CEP85L: variants seen among roughly 807,000 people sequenced by gnomAD.
CEP85L encodes the protein centrosomal protein 85L, also known as centrosomal protein of 85 kDa-like.
In CEP85L, 60 loss-of-function variants were observed where a neutral mutation model predicts 100.3. The observed-to-expected ratio is 0.60, with a 90% CI of 0.49 to 0.74. The LOEUF (loss-of-function observed/expected upper bound fraction) is 0.74, where lower values mean the gene tolerates loss of function less well. Among genes scored for constraint, CEP85L ranks in the 30% least tolerant of loss-of-function variants. The pLI is 0.00. For missense variants in CEP85L, 973 were observed against 936.2 expected, an observed-to-expected ratio of 1.04 and a Z score of -0.51; for synonymous variants, 319 against 322.7, an observed-to-expected ratio of 0.99 and a Z score of 0.12.
intron 3 of CEP85L, among the ~76,000 whole-genome samples, chr6:118,549,511 C>T (rs1250128939): frequency 6.6e-6 from 1 of 151,564 alleles, no homozygotes; most frequent in African/African-American, 2.4e-5. Context: ...CTCTAAAATT[C>T]TCAATTCCTA....
intron 2 of CEP85L, among the ~76,000 whole-genome samples, chr6:118,567,245 GTGTGTA>G (rs1465826237): frequency 7.3e-4 from 23 of 31,634 alleles, no homozygotes; most frequent in African/African-American, 3.2e-3. Context: ...GTGTGTGTGT[GTGTGTA>G]TATATATATA....
At chr6:118,575,768 C>T (rs1185463852) in intron 2 of CEP85L, among the ~76,000 whole-genome samples, 3 of 152,026 alleles carry the variant, frequency 2.0e-5, no homozygotes, top group East Asian at 1.9e-4. Context: ...GGAATACAAA[C>T]CCTCGCTAAG....
At chr6:118,504,504 G>A (rs1400050667) in intron 5 of CEP85L, among the ~76,000 whole-genome samples, 1 of 152,130 alleles carries the variant, frequency 6.6e-6, no homozygotes, top group Non-Finnish European at 1.5e-5. Flanking sequence ...TGGCACCCCT[G>A]GAGATGGCAT....
chr6:118,613,738 C>T (rs916811081), intron 2 of CEP85L, among the ~76,000 whole-genome samples: 65 of 96,180 alleles, frequency 6.8e-4, no homozygotes, highest in Non-Finnish European at 1.0e-3. Flanking sequence ...GCCTGGGCAA[C>T]AAGAGCAAAT....
chr6:118,644,320 T>G (rs1366336864), intron 1 of CEP85L, among the ~76,000 whole-genome samples: 3 of 152,046 alleles, frequency 2.0e-5, no homozygotes, highest in African/African-American at 7.2e-5. Flanking sequence ...CATCTTCCTC[T>G]GCCTGAAGAG....
intron 4 of CEP85L, among the ~76,000 whole-genome samples, chr6:118,521,254 T>C (rs187401593): frequency 7.2e-5 from 11 of 152,324 alleles, no homozygotes; most frequent in Admixed American, 2.6e-4. Context: ...ATTACTCTCA[T>C]CTGCTTCTTC....
chr6:118,565,374 A>G, intron 3 of CEP85L, 155 bp downstream of exon 3: 1 of 709,638 alleles, frequency 1.4e-6, no homozygotes, highest in East Asian at 2.7e-5. Context: ...GTTTATCAAC[A>G]ACACTTTTCG....
At chr6:118,662,565 T>A (rs189911727) in intron 1 of CEP85L, among the ~76,000 whole-genome samples, 1 of 151,824 alleles carries the variant, frequency 6.6e-6, no homozygotes, top group African/African-American at 2.4e-5. Context: ...GTATGAGTTA[T>A]TATTATCTCC....
intron 3 of CEP85L, among the ~76,000 whole-genome samples, chr6:118,531,147 C>G (rs181134475): frequency 6.6e-6 from 1 of 152,194 alleles, no homozygotes; most frequent in East Asian, 1.9e-4. Flanking sequence ...GGTACTGGTA[C>G]AGAAACAGAC....
chr6:118,658,320 AG>A (rs1162620190), intron 1 of CEP85L, among the ~76,000 whole-genome samples: 1 of 152,232 alleles, frequency 6.6e-6, no homozygotes, highest in Non-Finnish European at 1.5e-5. Flanking sequence ...GTACCAAAGT[AG>A]GGGAGAAAAA....
chr6:118,581,507 G>T (rs192139770), intron 2 of CEP85L, among the ~76,000 whole-genome samples: 84 of 151,982 alleles, frequency 5.5e-4, no homozygotes, highest in African/African-American at 2.0e-3. Flanking sequence ...GACTACTTGG[G>T]TAAGTGTGAC....
At chr6:118,676,623 T>C (rs1007297011) in intron 1 of CEP85L, among the ~76,000 whole-genome samples, 1 of 152,244 alleles carries the variant, frequency 6.6e-6, no homozygotes, top group East Asian at 1.9e-4. Context: ...ATCTTTACTA[T>C]TGTGAATAGT....
At chr6:118,645,768 T>C (rs139647739) in intron 1 of CEP85L, among the ~76,000 whole-genome samples, 22 of 152,362 alleles carry the variant, frequency 1.4e-4, no homozygotes, top group African/African-American at 5.1e-4. Context: ...TCTTTCTTGT[T>C]CAATGATGTA....
chr6:118,483,636 A>C, intron 7 of CEP85L, 70 bp downstream of exon 7: 1 of 1,457,718 alleles, frequency 6.9e-7, no homozygotes, highest in South Asian at 1.3e-5. Context: ...ACTTATAGTT[A>C]GCCAAATTTC....
chr6:118,590,218 G>C (rs1331841559), intron 2 of CEP85L, among the ~76,000 whole-genome samples: 2 of 152,068 alleles, frequency 1.3e-5, no homozygotes, highest in African/African-American at 4.8e-5. Flanking sequence ...GTTGGTCACT[G>C]CCAGTTAATA....
At chr6:118,649,186 GA>G in intron 1 of CEP85L, among the ~76,000 whole-genome samples, 1 of 151,650 alleles carries the variant, frequency 6.6e-6, no homozygotes, top group Non-Finnish European at 1.5e-5. Flanking sequence ...AAAAAGGGAA[GA>G]AACACAATAA....
chr6:118,521,074 T>C (rs12191962), intron 4 of CEP85L, among the ~76,000 whole-genome samples: 4,612 of 152,280 alleles, frequency 0.03, 118 homozygotes, highest in African/African-American at 0.056. Context: ...AGAAGTAATA[T>C]ACAACATATA....
chr6:118,563,825 G>A (rs1779355151), intron 3 of CEP85L, among the ~76,000 whole-genome samples: 1 of 152,104 alleles, frequency 6.6e-6, no homozygotes, highest in Non-Finnish European at 1.5e-5. Context: ...AATACTACTT[G>A]GAGGCTCCAA....
At chr6:118,698,455 A>G (rs1246156349) in intron 1 of CEP85L, among the ~76,000 whole-genome samples, 1 of 152,160 alleles carries the variant, frequency 6.6e-6, no homozygotes, top group Non-Finnish European at 1.5e-5. Context: ...GAGAAGTAAC[A>G]TAACTCTGAG....
Sources: gnomAD v4.1 joint callset for allele counts (sites outside exome capture counted in the v4.1 genomes callset) on GRCh38, gnomAD v4.1.1 for gene constraint, MANE v1.5 for transcripts, NCBI Gene and HGNC (gene_info 2026-07-23, HGNC 2026-07-21) for gene names.